The following RALB variants were observed in gnomAD, a reference collection of about 807,000 sequenced individuals.
RALB encodes RAS like proto-oncogene B.
In RALB, 16 loss-of-function variants were observed where a neutral mutation model predicts 21.3. The observed-to-expected ratio is 0.75, with a 90% confidence interval of 0.51 to 1.14. RALB has a LOEUF of 1.14. Ranked by LOEUF, RALB falls within the 50% of genes most tolerant of loss-of-function variation. RALB has a pLI of 0.00. For synonymous variants in RALB, 93 were observed against 96.1 expected, an observed-to-expected ratio of 0.97 and a Z score of 0.19; for missense variants, 161 against 256.2, an observed-to-expected ratio of 0.63 and a Z score of 2.54.
intron 3 of RALB, 59 bp downstream of exon 3, chr2:120,286,141 T>A: frequency 1.4e-6 from 2 of 1,441,522 alleles, no homozygotes; most frequent in Non-Finnish European, 1.9e-6. Context: ...TTCTCATATG[T>A]CTTAGGCCTA....
chr2:120,293,011 A>G, intron 4 of RALB, 130 bp from the exon 5 acceptor site: 1 of 967,418 alleles, frequency 1.0e-6, no homozygotes, highest in Non-Finnish European at 1.4e-6. Context: ...GTAACTACAT[A>G]TCCTGCTTAG....
intron 1 of RALB, among the ~76,000 whole-genome samples, chr2:120,259,703 A>G (rs1573327163): frequency 6.6e-6 from 1 of 152,246 alleles, no homozygotes; most frequent in African/African-American, 2.4e-5. Context: ...TGGATCCCGC[A>G]CCGGGGCTGC....
rs897327108 is a variant in RALB at position 120,294,522 on chromosome 2, C to T, written c.*1262C>T. ...GAAGAGCCCAGTATTCACATTTTTT[C>T]CCCATTTTTCAGAAGCGACATTTCA... On this transcript the variant is annotated 3_prime_UTR_variant, in exon 5 of 5. Coordinates refer to ENST00000272519, the MANE Select transcript of RALB (RefSeq NM_002881.3). The T allele has an allele frequency of 2.6e-5, 9 of 349,178 alleles. No individual in the cohort carries two copies. In the Admixed American group the frequency reaches 3.8e-4, roughly 15 times the overall value. 21.6% of individuals were successfully genotyped at this position (349,178 alleles called of 1,614,324 possible).
At position 120,252,964 on chromosome 2, in the gene RALB, G is replaced by T; in HGVS notation, c.-64G>T. 8.1e-6 allele frequency: 8 copies of T among 985,382 alleles called. No homozygotes were observed. The highest frequency in any genetic ancestry group is 9.6e-6 in the Non-Finnish European group (8 of 830,272). The allele number at this position is 985,382 out of a possible 1,614,324, so 61.0% of individuals were successfully genotyped here. A position where few individuals can be genotyped will look rare whatever the true frequency, so the allele number is the denominator to read the frequency against. On this transcript the variant is annotated 5_prime_UTR_variant, in exon 1 of 5. Coordinates refer to ENST00000272519, the MANE Select transcript of RALB (RefSeq NM_002881.3). ...CGGGCCGGGTGCGGACGGCGGAGGC[G>T]GCGGGACTGGTCCCTGGTAAGGGCG...
intron 2 of RALB, among the ~76,000 whole-genome samples, chr2:120,281,343 T>C (rs113555605): frequency 1.3e-5 from 2 of 152,234 alleles, no homozygotes; most frequent in Admixed American, 6.5e-5. Flanking sequence ...TAGACGGTCT[T>C]ATAAAATGAA....
At chr2:120,251,929 A>G (rs1689064278), upstream of RALB, among the ~76,000 whole-genome samples, 3 of 152,206 alleles carry the variant, frequency 2.0e-5, no homozygotes, top group Non-Finnish European at 4.4e-5. Context: ...AAAGCCTCCA[A>G]TATAGTATAC....
At chr2:120,275,399 C>G (rs1689766488) in intron 1 of RALB, among the ~76,000 whole-genome samples, 1 of 152,226 alleles carries the variant, frequency 6.6e-6, no homozygotes, top group African/African-American at 2.4e-5. Context: ...TCCTTACTTT[C>G]TTTTGAGCTC....
chr2:120,240,428 G>A (rs1688875328), intron 1 of RALB, among the ~76,000 whole-genome samples: 1 of 151,756 alleles, frequency 6.6e-6, no homozygotes, highest in Non-Finnish European at 1.5e-5. Context: ...GGGACTACAG[G>A]TGCATGCCAC....
At chr2:120,290,972 A>G (rs1490681032) in intron 4 of RALB, among the ~76,000 whole-genome samples, 1 of 152,232 alleles carries the variant, frequency 6.6e-6, no homozygotes, top group Non-Finnish European at 1.5e-5. Context: ...CAGCATCAGC[A>G]TCTGAATCCC....
chr2:120,275,045 T>C (rs944716159), intron 1 of RALB, among the ~76,000 whole-genome samples: 1 of 152,210 alleles, frequency 6.6e-6, no homozygotes, highest in Admixed American at 6.5e-5. Context: ...TGGGACCACT[T>C]TTCATGTTAC....
intron 1 of RALB, among the ~76,000 whole-genome samples, chr2:120,247,133 C>G (rs369139592): frequency 1.4e-3 from 216 of 152,162 alleles, no homozygotes; most frequent in African/African-American, 5.0e-3. Flanking sequence ...TGTGGGAAGC[C>G]CAGAGCATGC....
intron 1 of RALB, 132 bp from the exon 2 acceptor site, chr2:120,278,486 T>A: frequency 1.1e-6 from 1 of 898,696 alleles, no homozygotes; most frequent in East Asian, 3.3e-5. Flanking sequence ...ATGTCTGCCC[T>A]GAGCCTGAAA....
At chr2:120,240,624 G>C (rs773215642) in intron 1 of RALB, among the ~76,000 whole-genome samples, 1 of 152,090 alleles carries the variant, frequency 6.6e-6, no homozygotes, top group Non-Finnish European at 1.5e-5. Context: ...ACCCAGGTCT[G>C]TGTGGTGCCA....
chr2:120,243,111 T>C (rs1488364554), intron 1 of RALB, among the ~76,000 whole-genome samples: 2 of 152,192 alleles, frequency 1.3e-5, no homozygotes, highest in Non-Finnish European at 2.9e-5. Context: ...TTCACTGGTC[T>C]TTATGTCTCA....
intron 1 of RALB, among the ~76,000 whole-genome samples, chr2:120,243,937 G>A (rs989899425): frequency 3.3e-5 from 5 of 152,106 alleles, no homozygotes; most frequent in African/African-American, 4.8e-5. Context: ...AGAACTACCC[G>A]AGACTGGGTA....
At chr2:120,288,972 T>C (rs1402160153) in intron 3 of RALB, among the ~76,000 whole-genome samples, 1 of 152,210 alleles carries the variant, frequency 6.6e-6, no homozygotes, top group Non-Finnish European at 1.5e-5. Flanking sequence ...CAATACAATA[T>C]TCACCTTTCC....
chr2:120,253,797 G>C (rs899808413), intron 1 of RALB: 3 of 797,066 alleles, frequency 3.8e-6, no homozygotes, highest in Middle Eastern at 6.4e-4. Flanking sequence ...GAAGAGACTT[G>C]GCTGATTGCT....
intron 1 of RALB, among the ~76,000 whole-genome samples, chr2:120,255,732 A>G (rs2104580814): frequency 6.6e-6 from 1 of 152,340 alleles, no homozygotes; most frequent in East Asian, 1.9e-4. Context: ...GTCACTTTAA[A>G]AAAAGTAGCT....
chr2:120,263,468 T>A (rs904213218), intron 1 of RALB, among the ~76,000 whole-genome samples: 1 of 152,248 alleles, frequency 6.6e-6, no homozygotes. Context: ...TAGAATGATA[T>A]TTAAAAAGCA....
Sources: allele counts gnomAD v4.1 joint callset (sites outside exome capture counted in the v4.1 genomes callset), GRCh38; gene constraint gnomAD v4.1.1; transcripts MANE v1.5; gene names NCBI Gene and HGNC (gene_info 2026-07-23, HGNC 2026-07-21).